ADAM22: variants seen among roughly 807,000 people sequenced by gnomAD.
The protein encoded by ADAM22 is disintegrin and metalloproteinase domain-containing protein 22.
In ADAM22, 65 loss-of-function variants were observed where a neutral mutation model predicts 144.6. The observed-to-expected ratio is 0.45, with a 90% CI of 0.37 to 0.55. The LOEUF (loss-of-function observed/expected upper bound fraction) is 0.55, where lower values mean the gene tolerates loss of function less well. Among genes scored for constraint, ADAM22 ranks in the 20% least tolerant of loss-of-function variants. The pLI is 0.00. For missense variants in ADAM22, 974 were observed against 1,184.9 expected, an observed-to-expected ratio of 0.82 and a Z score of 2.61; for synonymous variants, 391 against 412.6, an observed-to-expected ratio of 0.95 and a Z score of 0.63.
Position 88,190,404 on chromosome 7 carries a change from G to A in ADAM22, c.2751-2712G>A, listed in dbSNP as rs1421362976. 4.6e-5 allele frequency among the ~76,000 whole-genome samples: 7 copies of A among 151,788 alleles called. No individual in the cohort carries two copies. In the South Asian group the frequency reaches 6.2e-4, roughly 14 times the overall value. ...AGAAAAATTAGCCGGGGGTGGTGGCGCATTCCTATAGTCCCAGCTACTCGG... is the reference window on the plus strand; with the variant it reads ...AGAAAAATTAGCCGGGGGTGGTGGCACATTCCTATAGTCCCAGCTACTCGG... On this transcript the variant is annotated intron_variant, in intron 30 of 31. Transcript: ENST00000413139.
chr7:87,948,543 G>A (rs753896976), intron 2 of ADAM22, among the ~76,000 whole-genome samples: 5 of 151,976 alleles, frequency 3.3e-5, no homozygotes, highest in Non-Finnish European at 7.4e-5. Context: ...CTGGATTTAA[G>A]CTTTAAATTA....
At position 88,145,527 on chromosome 7, in the gene ADAM22, C is replaced by A. The variant is rs1450601032; in HGVS notation, c.1485+20C>A. The A allele has an allele frequency of 6.3e-7, 1 of 1,581,820 alleles. No homozygotes were observed. The highest frequency in any genetic ancestry group is 1.7e-5 in the Admixed American group (1 of 58,936). ...TGCAAGGTAAATAAACATTAATGAC[C>A]ATTTGACAGAAAAAAAGGACATACT... On this transcript the variant is annotated intron_variant, in intron 17 of 31. Coordinates refer to ENST00000413139, the MANE Select transcript of ADAM22 (RefSeq NM_001324418.2).
intron 30 of ADAM22, among the ~76,000 whole-genome samples, chr7:88,188,060 T>C (rs1848718765): frequency 6.6e-6 from 1 of 151,978 alleles, no homozygotes; most frequent in East Asian, 1.9e-4. Context: ...GGTAAGATGA[T>C]TTTGACTGTT....
chr7:88,115,244 T>A (rs904562980), intron 6 of ADAM22, among the ~76,000 whole-genome samples: 1 of 152,140 alleles, frequency 6.6e-6, no homozygotes, highest in African/African-American at 2.4e-5. Flanking sequence ...AAACAAAAAA[T>A]TTCTTTTGTT....
chr7:87,974,137 G>GA (rs1012385636), intron 2 of ADAM22, among the ~76,000 whole-genome samples: 1 of 147,492 alleles, frequency 6.8e-6, no homozygotes, highest in Non-Finnish European at 1.5e-5. Context: ...CTACTAAAAA[G>GA]AAAAAAATAC....
intron 8 of ADAM22, among the ~76,000 whole-genome samples, chr7:88,126,915 G>A (rs1830562426): frequency 6.6e-6 from 1 of 151,846 alleles, no homozygotes; most frequent in South Asian, 2.1e-4. Flanking sequence ...AGCCACATAG[G>A]GTGACTCTGT....
At chr7:87,958,462 T>C (rs1847302581) in intron 2 of ADAM22, among the ~76,000 whole-genome samples, 1 of 152,096 alleles carries the variant, frequency 6.6e-6, no homozygotes, top group Non-Finnish European at 1.5e-5. Flanking sequence ...CTCGGCTCAC[T>C]GCAAACTCTG....
intron 30 of ADAM22, among the ~76,000 whole-genome samples, chr7:88,187,585 T>C (rs138973680): frequency 2.2e-3 from 337 of 152,332 alleles, no homozygotes; most frequent in African/African-American, 7.5e-3. Flanking sequence ...ATGTCCACTT[T>C]ATATCTGACT....
At chr7:88,078,073 C>T (rs10464571) in intron 4 of ADAM22, among the ~76,000 whole-genome samples, 56,663 of 151,868 alleles carry the variant, frequency 0.37, 11,735 homozygotes, top group East Asian at 0.62. Flanking sequence ...CCCCGAGTAG[C>T]CTAACTGGGA....
intron 4 of ADAM22, among the ~76,000 whole-genome samples, chr7:88,106,849 G>A (rs1282316075): frequency 6.6e-6 from 1 of 152,166 alleles, no homozygotes; most frequent in Non-Finnish European, 1.5e-5. Flanking sequence ...TGAGTAGTAA[G>A]TATTTAAAGG....
chr7:88,070,310 C>G (rs1488813978), intron 3 of ADAM22, among the ~76,000 whole-genome samples: 1 of 152,140 alleles, frequency 6.6e-6, no homozygotes, highest in Non-Finnish European at 1.5e-5. Flanking sequence ...CTACAAGATA[C>G]TTAGAAACTC....
intron 20 of ADAM22, 143 bp downstream of exon 20, chr7:88,151,463 T>A (rs1486180455): frequency 2.2e-6 from 2 of 929,230 alleles, no homozygotes; most frequent in Non-Finnish European, 3.3e-6. Context: ...AGGGGCATGT[T>A]TCTGGAAATT....
intron 5 of ADAM22, among the ~76,000 whole-genome samples, chr7:88,114,291 G>A (rs1011706442): frequency 6.6e-6 from 1 of 152,096 alleles, no homozygotes; most frequent in Non-Finnish European, 1.5e-5. Context: ...ATGACTTTTT[G>A]CATATGAAAA....
chr7:87,974,839 C>G (rs748013271), intron 2 of ADAM22, among the ~76,000 whole-genome samples: 4 of 152,168 alleles, frequency 2.6e-5, no homozygotes, highest in Non-Finnish European at 4.4e-5. Context: ...CTTGCCTTTT[C>G]TAGTTTCTAG....
At chr7:88,168,388 AAGTG>A in intron 25 of ADAM22, 161 bp downstream of exon 25, 1 of 714,886 alleles carries the variant, frequency 1.4e-6, no homozygotes, top group Non-Finnish European at 2.5e-6. Flanking sequence ...GCATGGCGAG[AAGTG>A]ATAATAACAT....
intron 3 of ADAM22, among the ~76,000 whole-genome samples, chr7:88,054,588 C>CTG (rs58027941): frequency 0.075 from 9,918 of 132,168 alleles, 451 homozygotes; most frequent in African/African-American, 0.12. Context: ...AGGTGCCCTC[C>CTG]TGTGTGTGTG....
At chr7:87,937,551 C>T (rs1841532249) in intron 2 of ADAM22, among the ~76,000 whole-genome samples, 1 of 152,202 alleles carries the variant, frequency 6.6e-6, no homozygotes, top group African/African-American at 2.4e-5. Context: ...TACCTCTTGC[C>T]TTTTCTGTGT....
chr7:88,039,449 C>CAAA (rs1216762883), intron 3 of ADAM22, among the ~76,000 whole-genome samples: 2 of 58,620 alleles, frequency 3.4e-5, no homozygotes, highest in Non-Finnish European at 7.5e-5. Flanking sequence ...GATTCTGTCT[C>CAAA]AAAAAAAAAA....
At chr7:88,081,139 A>G (rs1816470631) in intron 4 of ADAM22, among the ~76,000 whole-genome samples, 1 of 152,220 alleles carries the variant, frequency 6.6e-6, no homozygotes, top group Non-Finnish European at 1.5e-5. Flanking sequence ...AAACTTATCC[A>G]CCGTGATCAA....
Sources: allele counts gnomAD v4.1 joint callset (sites outside exome capture counted in the v4.1 genomes callset), GRCh38; gene constraint gnomAD v4.1.1; transcripts MANE v1.5; gene names NCBI Gene and HGNC (gene_info 2026-07-23, HGNC 2026-07-21).